LY75: variants seen among roughly 807,000 people sequenced by gnomAD.
LY75 encodes the protein lymphocyte antigen 75.
In LY75, 185 loss-of-function variants were observed where a neutral mutation model predicts 231.7. The observed-to-expected ratio is 0.80, with a 90% CI of 0.71 to 0.90. The LOEUF (loss-of-function observed/expected upper bound fraction) is 0.90, where lower values mean the gene tolerates loss of function less well. Among genes scored for constraint, LY75 ranks in the 40% least tolerant of loss-of-function variants. LY75 has a pLI of 0.00. For missense variants in LY75, 1,947 were observed against 2,050.2 expected, an observed-to-expected ratio of 0.95 and a Z score of 0.97; for synonymous variants, 668 against 689.0, an observed-to-expected ratio of 0.97 and a Z score of 0.48.
chr2:159,833,804 T>A (rs1250790100), intron 27 of LY75, among the ~76,000 whole-genome samples: 1 of 152,070 alleles, frequency 6.6e-6, no homozygotes, highest in Non-Finnish European at 1.5e-5. Flanking sequence ...CCCGTGCTGT[T>A]CTCGTGATAG....
At chr2:159,813,561 G>A (rs7576002) in intron 31 of LY75, among the ~76,000 whole-genome samples, 200 of 151,968 alleles carry the variant, frequency 1.3e-3, no homozygotes, top group African/African-American at 4.6e-3. Context: ...GGTGGTTGCC[G>A]ACAGTCCTTG....
chr2:159,849,876 T>C, intron 23 of LY75, 104 bp downstream of exon 23: 1 of 1,436,084 alleles, frequency 7.0e-7, no homozygotes, highest in Non-Finnish European at 9.3e-7. Context: ...GGACATTTCA[T>C]ACAAATGGAA....
At chr2:159,883,028 A>G (rs1219465687) in intron 6 of LY75, among the ~76,000 whole-genome samples, 1 of 151,430 alleles carries the variant, frequency 6.6e-6, no homozygotes, top group Admixed American at 6.6e-5. Flanking sequence ...ATCCCCGTTA[A>G]CAAAACCAGA....
chr2:159,811,041 T>G (rs1309167066), intron 31 of LY75, among the ~76,000 whole-genome samples: 1 of 152,092 alleles, frequency 6.6e-6, no homozygotes, highest in Non-Finnish European at 1.5e-5. Flanking sequence ...TTTTTGTTTA[T>G]TATTATTTTT....
At position 159,885,220 on chromosome 2, in the gene LY75, G is replaced by T. The variant is rs954388419; in HGVS notation, c.987C>A (p.Ser329Arg). The T allele has an allele frequency of 1.9e-6, 3 of 1,613,572 alleles. No homozygotes were observed. The highest frequency in any genetic ancestry group is 2.2e-5 in the East Asian group (1 of 44,884). The stretch of plus-strand genomic sequence containing the variant: ...AGGGCAGTTGAGCTTCACAGGAAAA[G>T]CTCTGCCACAGACCAGACTCAGCAT... ...RMDAESGLWQSFSCEAQLPYV... is the reference protein window; with the variant it reads ...RMDAESGLWQRFSCEAQLPYV... The change falls in exon 6 of 35, where the codon AGC (serine) becomes AGA (arginine). Residue 329 changes from serine (S) to arginine (R), a missense_variant. Transcript: ENST00000263636.
intron 7 of LY75, among the ~76,000 whole-genome samples, chr2:159,881,787 T>C (rs1258678799): frequency 6.6e-5 from 10 of 152,164 alleles, no homozygotes; most frequent in Admixed American, 6.5e-4. Flanking sequence ...TAAATAGAAT[T>C]TAGCTCATGA....
chr2:159,877,009 C>CAAAAAAAAAAAAAAAAAAAAAA (rs58831835), intron 11 of LY75, among the ~76,000 whole-genome samples: 35 of 90,526 alleles, frequency 3.9e-4, no homozygotes, highest in East Asian at 1.3e-3. Flanking sequence ...AACTCCATCT[C>CAAAAAAAAAAAAAAAAAAAAAA]AAAAAAAAAA....
At chr2:159,881,536 C>T (rs1685435962) in intron 7 of LY75, among the ~76,000 whole-genome samples, 1 of 152,044 alleles carries the variant, frequency 6.6e-6, no homozygotes, top group Non-Finnish European at 1.5e-5. Flanking sequence ...TCATACATAT[C>T]CCAATTTGAA....
chr2:159,823,072 C>A (rs932645893), intron 28 of LY75, among the ~76,000 whole-genome samples: 2 of 152,054 alleles, frequency 1.3e-5, no homozygotes, highest in Non-Finnish European at 2.9e-5. Context: ...CACCAGCTAG[C>A]GAACAAAACT....
At chr2:159,884,405 C>T (rs1012641459) in intron 6 of LY75, among the ~76,000 whole-genome samples, 1 of 152,176 alleles carries the variant, frequency 6.6e-6, no homozygotes, top group Non-Finnish European at 1.5e-5. Flanking sequence ...CTTCTCCATT[C>T]TTTCAAAAAC....
chr2:159,819,193 G>T (rs1683211655), intron 29 of LY75, among the ~76,000 whole-genome samples: 1 of 152,050 alleles, frequency 6.6e-6, no homozygotes, highest in Non-Finnish European at 1.5e-5. Context: ...ACAGTTTTAG[G>T]GCACAGTGGT....
In LY75 at chr2:159,842,281, C is replaced by T; in HGVS notation, c.3244G>A (p.Glu1082Lys). The T allele has an allele frequency of 6.2e-7, 1 of 1,612,364 alleles. No homozygotes were observed. The highest frequency in any genetic ancestry group is 8.5e-7 in the Non-Finnish European group (1 of 1,178,958). The change falls in exon 24 of 35, where the codon GAA becomes AAA. Residue 1082 changes from glutamate (E) to lysine (K), a missense_variant. Transcript: ENST00000263636. ...TGTWNFTSCS[E>K]RHFVSLCQKY... ...TGACAGAGAGACACAAAGTGGCGTT[C>T]ACTGCAGGATGTAAAATTCCACGTC...
chr2:159,848,362 GC>G (rs1262202740), intron 23 of LY75, among the ~76,000 whole-genome samples: 2 of 151,964 alleles, frequency 1.3e-5, no homozygotes, highest in Non-Finnish European at 2.9e-5. Context: ...CTATGAGGAT[GC>G]AAAGGCATAA....
At chr2:159,883,822 A>C (rs1456023698) in intron 6 of LY75, among the ~76,000 whole-genome samples, 1 of 152,048 alleles carries the variant, frequency 6.6e-6, no homozygotes, top group Non-Finnish European at 1.5e-5. Flanking sequence ...CAGATTCTTT[A>C]TTTTATATCT....
chr2:159,862,250 C>T (rs758401377), intron 14 of LY75, among the ~76,000 whole-genome samples: 1 of 142,612 alleles, frequency 7.0e-6, no homozygotes, highest in African/African-American at 2.6e-5. Context: ...AGAGATTGCA[C>T]GACTGCACTC....
Position 159,815,483 on chromosome 2 carries a change from A to T in LY75, c.4471T>A (p.Leu1491Met). 2 of 1,613,994 alleles carry T rather than the reference A, an allele frequency of 1.2e-6. No homozygotes were observed. The highest frequency in any genetic ancestry group is 1.7e-6 in the Non-Finnish European group (2 of 1,179,962). Reference sequence around the variant, plus strand: ...TGTTTCCAAGTTCCTTTTGGATCCAAGAGAACACAATTTCCAGGAGATGTT... The same window carrying T: ...TGTTTCCAAGTTCCTTTTGGATCCATGAGAACACAATTTCCAGGAGATGTT... ...GQTSPGNCVL[L>M]DPKGTWKHEK... The change falls in exon 31 of 35, where the codon TTG becomes ATG. Residue 1491 changes from leucine to methionine, a missense_variant. By Grantham distance (15) the Leu-to-Met change is conservative. Transcript: ENST00000263636.
chr2:159,894,065 C>T lies in LY75; in HGVS notation c.486G>A (p.Gly162=), dbSNP rs1685836742. ...QPYHEIYTRD[G]NSYGRPCEFP... ...ATTCACAAGGTCTCCCATAAGAGTT[C>T]CCATCTCTGGTATAGATCTCTGGGT... Residue 162 remains glycine (G), a synonymous_variant, in exon 3 of 35, where the codon GGG becomes GGA. Transcript: ENST00000263636. 1.2e-6 allele frequency: 2 copies of T among 1,611,540 alleles called. No homozygotes were observed. Among genetic ancestry groups the T allele is most frequent in the Non-Finnish European group, 8.5e-7 (1 of 1,178,684 alleles).
intron 28 of LY75, among the ~76,000 whole-genome samples, chr2:159,829,813 A>G (rs1683592544): frequency 6.6e-6 from 1 of 152,204 alleles, no homozygotes; most frequent in Non-Finnish European, 1.5e-5. Flanking sequence ...ACATTTTATG[A>G]AAGAAGGTAA....
rs758659085 is a variant in LY75 at position 159,850,086 on chromosome 2, C to G, written c.3044G>C (p.Arg1015Pro). The change falls in exon 23 of 35, where the codon CGC becomes CCC. Residue 1015 changes from arginine (R) to proline (P), a missense_variant. Transcript: ENST00000263636. ...DMEATLWIGL[R>P]WTAYEKINKW... ...GTTTATCTTTTCATAGGCAGTCCAG[C>G]GCAAACCAATCCATAAAGTAGCTTC... 2.5e-6 allele frequency: 4 copies of G among 1,613,844 alleles called. No homozygotes were observed. The highest frequency in any genetic ancestry group is 3.3e-4 in the Middle Eastern group (2 of 6,060).
Sources: allele counts gnomAD v4.1 joint callset (sites outside exome capture counted in the v4.1 genomes callset), GRCh38; gene constraint gnomAD v4.1.1; transcripts MANE v1.5; gene names NCBI Gene and HGNC (gene_info 2026-07-23, HGNC 2026-07-21).